The following MOV10L1 variants were observed in gnomAD, a reference collection of about 807,000 sequenced individuals.
MOV10L1 encodes the protein RNA helicase Mov10l1.
MOV10L1 carries 110 observed loss-of-function variants against 143.8 expected under a neutral mutation model. The ratio of observed to expected loss-of-function variants is 0.76; its 90% confidence interval spans 0.66 to 0.90. The LOEUF (loss-of-function observed/expected upper bound fraction) is 0.90. MOV10L1 is among the 40% of genes least tolerant of loss of function. MOV10L1 has a pLI of 0.00. For synonymous variants in MOV10L1, 593 were observed against 581.1 expected (o/e 1.02, Z -0.29); for missense variants, 1,406 against 1,526.8 (o/e 0.92, Z 1.32).
At chr22:50,114,030 T>G (rs1268960963) in intron 6 of MOV10L1, among the ~76,000 whole-genome samples, 1 of 150,130 alleles carries the variant, frequency 6.7e-6, no homozygotes, top group Non-Finnish European at 1.5e-5. Flanking sequence ...ACCATTCTCC[T>G]GCCTCAGCCT....
At chr22:50,155,180 G>A (rs2063392831) in intron 22 of MOV10L1, among the ~76,000 whole-genome samples, 1 of 151,594 alleles carries the variant, frequency 6.6e-6, no homozygotes, top group South Asian at 2.1e-4. Flanking sequence ...CAATAAATGA[G>A]TAAGTTAATG....
At chr22:50,133,064 T>A (rs1353439077) in intron 13 of MOV10L1, among the ~76,000 whole-genome samples, 1 of 151,702 alleles carries the variant, frequency 6.6e-6, no homozygotes, top group Non-Finnish European at 1.5e-5. Context: ...CAGTTTTACT[T>A]CTTCTTCTCT....
intron 3 of MOV10L1, among the ~76,000 whole-genome samples, chr22:50,106,301 C>T (rs9617025): frequency 0.22 from 32,885 of 146,374 alleles, 4,005 homozygotes; most frequent in Admixed American, 0.35. Context: ...ACTTCAGGCT[C>T]ATGCCACCAC....
At chr22:50,114,164 G>A (rs768766773) in intron 6 of MOV10L1, among the ~76,000 whole-genome samples, 2 of 151,966 alleles carry the variant, frequency 1.3e-5, no homozygotes, top group Admixed American at 6.6e-5. Context: ...GTGATTTGCC[G>A]CCTCAGCCTC....
chr22:50,148,308 A>G (rs1295273910), intron 19 of MOV10L1, among the ~76,000 whole-genome samples: 1 of 152,222 alleles, frequency 6.6e-6, no homozygotes, highest in Non-Finnish European at 1.5e-5. Flanking sequence ...CGAGCCAGGG[A>G]AGCCGGGGCA....
chr22:50,107,489 CT>C lies in MOV10L1; in HGVS notation c.443-635del, dbSNP rs111842655. 3.6e-3 allele frequency among the ~76,000 whole-genome samples: 526 copies of C among 147,364 alleles called. 2 individuals carry two copies. Among genetic ancestry groups the C allele is most frequent in the African/African-American group, 7.3e-3 (297 of 40,592 alleles). Reference sequence around the variant, plus strand: ...CACAAACTCAGTATTCAATTATACACTTTTTTTTTTTTGAGCTTCCAGAGTG... The same window carrying C: ...CACAAACTCAGTATTCAATTATACACTTTTTTTTTTTGAGCTTCCAGAGTG... On this transcript the variant is annotated intron_variant, in intron 3 of 26. Transcript: ENST00000262794.
At chr22:50,125,773 T>C (rs1382458632) in intron 11 of MOV10L1, among the ~76,000 whole-genome samples, 1 of 152,116 alleles carries the variant, frequency 6.6e-6, no homozygotes, top group Non-Finnish European at 1.5e-5. Flanking sequence ...TTGACCCCAG[T>C]AATGTTTTTG....
chr22:50,127,692 A>C (rs2062550748), intron 12 of MOV10L1, among the ~76,000 whole-genome samples: 1 of 152,184 alleles, frequency 6.6e-6, no homozygotes, highest in African/African-American at 2.4e-5. Flanking sequence ...TCTAGGAAAG[A>C]ATATGCAGAA....
At chr22:50,126,341 C>T in intron 12 of MOV10L1, 69 bp downstream of exon 12, 3 of 1,167,390 alleles carry the variant, frequency 2.6e-6, no homozygotes, top group South Asian at 1.3e-5. Context: ...AGGTAACGTT[C>T]TCCCCACGGC....
At chr22:50,134,393 A>G in intron 14 of MOV10L1, 137 bp from the exon 15 acceptor site, 1 of 666,890 alleles carries the variant, frequency 1.5e-6, no homozygotes, top group South Asian at 2.1e-5. Context: ...TATAATTTAG[A>G]AACAGTATAA....
Position 50,161,398 on chromosome 22 carries a change from C to T in MOV10L1, c.3585C>T (p.Tyr1195=). ...GCGAGGGGGTGGCAGACCCCTCCTACCCAGTGGTGCCAGAATCCACAGGAC... is the reference window on the plus strand; with the variant it reads ...GCGAGGGGGTGGCAGACCCCTCCTATCCAGTGGTGCCAGAATCCACAGGAC... ...NCGEGVADPS[Y]PVVPESTGPE... is the part of the protein sequence containing the mutation. The change falls in exon 27 of 27, where the codon TAC becomes TAT. Residue 1195 remains tyrosine (Y), a synonymous_variant. Transcript: ENST00000262794. 3 of 1,601,604 alleles carry T rather than the reference C, an allele frequency of 1.9e-6. No homozygotes were observed. The highest frequency in any genetic ancestry group is 2.6e-6 in the Non-Finnish European group (3 of 1,174,382).
chr22:50,099,352 C>A, intron 2 of MOV10L1, 91 bp from the exon 3 acceptor site: 1 of 1,460,842 alleles, frequency 6.8e-7, no homozygotes, highest in Non-Finnish European at 9.3e-7. Flanking sequence ...GGACTTGCAG[C>A]CCTAATGGTC....
intron 13 of MOV10L1, among the ~76,000 whole-genome samples, chr22:50,128,721 T>A (rs1158806345): frequency 6.6e-6 from 1 of 151,926 alleles, no homozygotes; most frequent in Non-Finnish European, 1.5e-5. Context: ...ATTTTTGTAT[T>A]TTTAGTAGAG....
rs1326824344 is a variant in MOV10L1, at chr22:50,160,828, G to C, written c.3462+3G>C. ...GAAACCCCCATGTTCTCGTTCGAGT[G>C]AGTTTTCAGGCACTGGGTGGGCTGT... is the stretch of plus-strand genomic sequence containing the variant. On this transcript the variant is annotated splice_donor_region_variant and intron_variant, in intron 25 of 26. Coordinates refer to ENST00000262794, the MANE Select transcript of MOV10L1 (RefSeq NM_018995.3). The C allele has an allele frequency of 6.2e-7, 1 of 1,614,004 alleles. No homozygotes were observed. The highest frequency in any genetic ancestry group is 8.5e-7 in the Non-Finnish European group (1 of 1,179,918).
At chr22:50,143,008 G>A in intron 16 of MOV10L1, 35 bp from the exon 17 acceptor site, 8 of 1,602,598 alleles carry the variant, frequency 5.0e-6, no homozygotes, top group Non-Finnish European at 6.8e-6. Context: ...AGAGCTGTTT[G>A]CATCTAACTG....
chr22:50,156,883 G>A (rs939185786), intron 22 of MOV10L1, among the ~76,000 whole-genome samples: 11 of 152,212 alleles, frequency 7.2e-5, no homozygotes, highest in East Asian at 1.9e-4. Context: ...GTACATACCC[G>A]GAAGTGGAAT....
rs1297995643 is a variant in MOV10L1, at chr22:50,150,851, G to A, written c.2844G>A (p.Gln948=). The change falls in exon 21 of 27, where the codon CAG becomes CAA. Residue 948 remains glutamine, a synonymous_variant. Transcript: ENST00000262794. ...GGCTGATGTCTCGACCCGCGTACCA[G>A]AGGGACGAAAATGCTTTCGGTGCTT... The part of the protein sequence containing the change: ...LERLMSRPAY[Q]RDENAFGACG... The A allele has an allele frequency of 6.2e-7, 1 of 1,614,222 alleles. No individual in the cohort carries two copies. Among genetic ancestry groups the A allele is most frequent in the South Asian group, 1.1e-5 (1 of 91,088 alleles).
intron 15 of MOV10L1, among the ~76,000 whole-genome samples, chr22:50,141,402 T>C (rs2062982464): frequency 6.6e-6 from 1 of 151,410 alleles, no homozygotes; most frequent in Middle Eastern, 3.2e-3. Context: ...CAATCTCCAC[T>C]CACTGCAGCC....
At chr22:50,108,603 G>A (rs899832092) in intron 4 of MOV10L1, 54 bp from the exon 5 acceptor site, 13 of 1,591,154 alleles carry the variant, frequency 8.2e-6, no homozygotes, top group Admixed American at 5.0e-5. Flanking sequence ...TTAGAGCTGC[G>A]CCCTGTCGTC....
Sources: allele counts gnomAD v4.1 joint callset (sites outside exome capture counted in the v4.1 genomes callset), GRCh38; gene constraint gnomAD v4.1.1; transcripts MANE v1.5; gene names NCBI Gene and HGNC (gene_info 2026-07-23, HGNC 2026-07-21).